Variants in FGF12 observed in about 807,000 individuals in gnomAD.
FGF12 encodes fibroblast growth factor 12B.
In FGF12, 14 loss-of-function variants were observed where a neutral mutation model predicts 23.6. The observed-to-expected ratio is 0.59, with a 90% confidence interval of 0.39 to 0.93. The LOEUF (loss-of-function observed/expected upper bound fraction) is 0.93. FGF12 is among the 40% of genes least tolerant of loss of function. The pLI, the probability that FGF12 is intolerant of heterozygous loss-of-function variation, is 0.00. For synonymous variants in FGF12, 62 were observed against 77.3 expected, an observed-to-expected ratio of 0.80 and a Z score of 1.04; for missense variants, 175 against 217.8, an observed-to-expected ratio of 0.80 and a Z score of 1.24.
At chr3:192,572,363 A>T (rs1331484202) in intron 2 of FGF12, among the ~76,000 whole-genome samples, 1 of 152,180 alleles carries the variant, frequency 6.6e-6, no homozygotes, top group Non-Finnish European at 1.5e-5. Context: ...AATTCACATG[A>T]TCATGCACAG....
At chr3:192,606,140 G>T (rs1352217143) in intron 2 of FGF12, among the ~76,000 whole-genome samples, 2 of 152,180 alleles carry the variant, frequency 1.3e-5, no homozygotes, top group Non-Finnish European at 2.9e-5. Flanking sequence ...ATCAATGGTG[G>T]ACTGGATAAA....
intron 2 of FGF12, among the ~76,000 whole-genome samples, chr3:192,640,382 T>G (rs1486794490): frequency 1.3e-5 from 2 of 151,986 alleles, no homozygotes; most frequent in Non-Finnish European, 2.9e-5. Flanking sequence ...AAGAGTGAAA[T>G]AAAATAAAAT....
chr3:192,417,218 T>C (rs1458006654), intron 2 of FGF12, among the ~76,000 whole-genome samples: 2 of 152,134 alleles, frequency 1.3e-5, no homozygotes, highest in Non-Finnish European at 2.9e-5. Context: ...CTTTCTCTCA[T>C]TTCTTTAAAA....
chr3:192,528,286 A>G (rs1305217849), intron 2 of FGF12, among the ~76,000 whole-genome samples: 1 of 152,212 alleles, frequency 6.6e-6, no homozygotes, highest in East Asian at 1.9e-4. Flanking sequence ...TGCAGGCCCC[A>G]TGTAAGTCCG....
intron 2 of FGF12, among the ~76,000 whole-genome samples, chr3:192,627,268 CA>C (rs1430910134): frequency 2.0e-5 from 3 of 151,730 alleles, no homozygotes; most frequent in African/African-American, 7.3e-5. Context: ...AACATTGTCT[CA>C]GGGGCATTTC....
chr3:192,724,583 A>AC (rs754253948), intron 2 of FGF12, among the ~76,000 whole-genome samples: 30 of 152,280 alleles, frequency 2.0e-4, no homozygotes, highest in Non-Finnish European at 3.4e-4. Context: ...CTGCGTACCA[A>AC]CCCAAATCTT....
chr3:192,673,594 T>G (rs1376069458), intron 2 of FGF12, among the ~76,000 whole-genome samples: 1 of 150,858 alleles, frequency 6.6e-6, no homozygotes, highest in Admixed American at 6.6e-5. Context: ...TGTGTCCATG[T>G]GTTCTCGCTG....
At position 192,408,333 on chromosome 3, in the gene FGF12, G is replaced by T; in HGVS notation, c.14-47795C>A. 1 of 1,433,292 alleles carries T rather than the reference G, an allele frequency of 7.0e-7. No homozygotes were observed. Among genetic ancestry groups the T allele is most frequent in the South Asian group, 1.5e-5 (1 of 68,096 alleles). The allele number at this position is 1,433,292 out of a possible 1,614,324, so 88.8% of individuals were successfully genotyped here. A position where few individuals can be genotyped will look rare whatever the true frequency, so the allele number is the denominator to read the frequency against. On this transcript the variant is annotated intron_variant, in intron 2 of 5. Coordinates refer to ENST00000445105, the MANE Select transcript of FGF12 (RefSeq NM_004113.6). This position sits in a 1 kb window ranked among gnomAD's most constrained non-coding sequence, Gnocchi z 7.3. ...GCCAGGGAAAGGGCAGTCGCGGGGA[G>T]GCAGTGCTAAAATTTGAGGAGGCTG... is the stretch of plus-strand genomic sequence containing the variant.
At chr3:192,479,974 T>C (rs1024320129) in intron 2 of FGF12, among the ~76,000 whole-genome samples, 2 of 149,758 alleles carry the variant, frequency 1.3e-5, no homozygotes, top group Non-Finnish European at 3.0e-5. Flanking sequence ...AAAGACAAAA[T>C]TGGGATTGAG....
At chr3:192,656,502 A>G (rs1716432858) in intron 2 of FGF12, among the ~76,000 whole-genome samples, 1 of 152,154 alleles carries the variant, frequency 6.6e-6, no homozygotes. Context: ...CCCCAGGGAC[A>G]TTGAGCAATG....
At chr3:192,648,442 C>T (rs916280723) in intron 2 of FGF12, among the ~76,000 whole-genome samples, 1 of 151,580 alleles carries the variant, frequency 6.6e-6, no homozygotes, top group Non-Finnish European at 1.5e-5. Flanking sequence ...ATGGTCAATT[C>T]TCAACTATCC....
At chr3:192,637,953 TGA>T (rs886274251) in intron 2 of FGF12, among the ~76,000 whole-genome samples, 1 of 152,200 alleles carries the variant, frequency 6.6e-6, no homozygotes, top group African/African-American at 2.4e-5. Context: ...GGGGAAAAGC[TGA>T]GTCTCTAAAG....
At chr3:192,622,888 G>A (rs959186586) in intron 2 of FGF12, among the ~76,000 whole-genome samples, 27 of 152,104 alleles carry the variant, frequency 1.8e-4, no homozygotes, top group African/African-American at 5.6e-4. Flanking sequence ...AGTCAGTGGC[G>A]TCTTCTCTCC....
intron 2 of FGF12, among the ~76,000 whole-genome samples, chr3:192,576,776 A>C (rs147555375): frequency 2.0e-5 from 3 of 152,224 alleles, no homozygotes; most frequent in Non-Finnish European, 1.5e-5. Context: ...TTGCGGCACT[A>C]TTCACAATAG....
chr3:192,680,021 A>G (rs1007430652), intron 2 of FGF12, among the ~76,000 whole-genome samples: 1 of 152,204 alleles, frequency 6.6e-6, no homozygotes, highest in African/African-American at 2.4e-5. Context: ...TCTGGCTCCC[A>G]TGTTGGTGAA....
intron 2 of FGF12, among the ~76,000 whole-genome samples, chr3:192,550,132 T>C (rs1269014467): frequency 1.3e-5 from 2 of 151,404 alleles, no homozygotes; most frequent in African/African-American, 2.4e-5. Context: ...TAATTACACA[T>C]ATAGAAAAAA....
chr3:192,491,680 G>A (rs926748334), intron 2 of FGF12, among the ~76,000 whole-genome samples: 2 of 152,148 alleles, frequency 1.3e-5, no homozygotes, highest in African/African-American at 4.8e-5. Flanking sequence ...CATAAACTCT[G>A]AAACTGTATA....
At chr3:192,604,591 C>T (rs58775012) in intron 2 of FGF12, among the ~76,000 whole-genome samples, 6,826 of 152,168 alleles carry the variant, frequency 0.045, 463 homozygotes, top group African/African-American at 0.15. Flanking sequence ...TCCATGCTCA[C>T]GGACTGGAAG....
intron 4 of FGF12, among the ~76,000 whole-genome samples, chr3:192,206,218 T>C (rs1303273775): frequency 2.0e-5 from 3 of 152,196 alleles, no homozygotes; most frequent in Admixed American, 6.5e-5. Flanking sequence ...CTGAAGGCTC[T>C]AGGCCCAGAA....
Sources: allele counts gnomAD v4.1 joint callset (sites outside exome capture counted in the v4.1 genomes callset), GRCh38; gene constraint gnomAD v4.1.1; non-coding constraint Gnocchi (gnomAD v3.1); transcripts MANE v1.5; gene names NCBI Gene and HGNC (gene_info 2026-07-23, HGNC 2026-07-21).